The following ATP7B variants were observed in gnomAD, a reference collection of about 807,000 sequenced individuals.
The protein encoded by ATP7B is ATPase copper transporting beta, also known as copper-transporting ATPase 2.
Under a neutral mutation model 118.9 loss-of-function variants are expected in ATP7B, and 113 were observed. The ratio of observed to expected loss-of-function variants is 0.95; its 90% CI spans 0.82 to 1.11. The LOEUF (loss-of-function observed/expected upper bound fraction) is 1.11. Among genes scored for constraint, ATP7B ranks in the 50% most tolerant of loss-of-function variants. ATP7B has a pLI of 0.00. For missense variants in ATP7B, 1,867 were observed against 1,871.4 expected (o/e 1.00, Z 0.04); for synonymous variants, 777 against 727.4 (o/e 1.07, Z -1.10).
chr13:51,954,990 A>G (rs538962742), intron 9 of ATP7B, among the ~76,000 whole-genome samples: 20 of 152,344 alleles, frequency 1.3e-4, no homozygotes, highest in African/African-American at 4.8e-4. Context: ...GAGACTAAGC[A>G]GCAGCAGCAG....
rs879462650 is a variant in ATP7B at position 51,943,933 on chromosome 13, AACT to A, written c.3243+173_3243+175del. On this transcript the variant is annotated intron_variant, in intron 14 of 20. Coordinates refer to ENST00000242839, the MANE Select transcript of ATP7B (RefSeq NM_000053.4). Reference sequence around the variant, plus strand: ...CTGAACTCCCTTTGTGATAACCTGGAACTGTGGCAAGGGCTGACTGTGAGCCCT... The same window carrying A: ...CTGAACTCCCTTTGTGATAACCTGGAGTGGCAAGGGCTGACTGTGAGCCCT... 0.037 allele frequency among the ~76,000 whole-genome samples: 5,577 copies of A among 152,208 alleles called. 345 individuals are homozygous for A. The highest frequency in any genetic ancestry group is 0.13 in the African/African-American group (5,372 of 41,496).
intron 4 of ATP7B, among the ~76,000 whole-genome samples, chr13:51,967,827 A>G (rs559054237): frequency 2.6e-4 from 39 of 152,374 alleles, no homozygotes; most frequent in Admixed American, 9.8e-4. Flanking sequence ...GCTTTCAAAC[A>G]TAGCATGTTC....
chr13:51,949,401 C>T (rs1333590984), intron 12 of ATP7B, among the ~76,000 whole-genome samples: 1 of 152,144 alleles, frequency 6.6e-6, no homozygotes, highest in Non-Finnish European at 1.5e-5. Context: ...GTAAATGCTT[C>T]AAGCATTACA....
At chr13:51,992,635 A>G (rs941747395) in intron 1 of ATP7B, among the ~76,000 whole-genome samples, 5 of 152,138 alleles carry the variant, frequency 3.3e-5, no homozygotes, top group African/African-American at 7.2e-5. Context: ...GGATAACTAA[A>G]TTCTTTCTAA....
chr13:51,946,562 G>C (rs1343388637), intron 12 of ATP7B, 84 bp from the exon 13 acceptor site: 7 of 1,510,884 alleles, frequency 4.6e-6, no homozygotes, highest in Non-Finnish European at 6.4e-6. Context: ...ACATTTCAGG[G>C]GGGCACTGGA....
chr13:51,946,064 G>A (rs1957630338), intron 13 of ATP7B, among the ~76,000 whole-genome samples: 1 of 152,198 alleles, frequency 6.6e-6, no homozygotes, highest in Non-Finnish European at 1.5e-5. Context: ...ACACAGAGTT[G>A]TTAATGCAAT....
chr13:52,004,002 T>C (rs766454682), intron 1 of ATP7B, among the ~76,000 whole-genome samples: 5 of 152,182 alleles, frequency 3.3e-5, no homozygotes, highest in Admixed American at 1.3e-4. Flanking sequence ...CTCACACCTG[T>C]AATCCAGCAC....
At chr13:51,995,701 C>G (rs1953172585) in intron 1 of ATP7B, among the ~76,000 whole-genome samples, 1 of 152,216 alleles carries the variant, frequency 6.6e-6, no homozygotes. Context: ...CCAGGAGAGG[C>G]TGCCAGCAGT....
chr13:51,948,263 T>C (rs999066822), intron 12 of ATP7B, among the ~76,000 whole-genome samples: 17 of 152,314 alleles, frequency 1.1e-4, no homozygotes, highest in African/African-American at 3.1e-4. Context: ...TCTGTATTTG[T>C]ACTTTTTGCT....
At chr13:51,989,362 G>C (rs991678707) in intron 1 of ATP7B, among the ~76,000 whole-genome samples, 3 of 152,176 alleles carry the variant, frequency 2.0e-5, no homozygotes, top group Non-Finnish European at 4.4e-5. Flanking sequence ...CTATGTGCCA[G>C]GGCTATGTGT....
intron 7 of ATP7B, 77 bp downstream of exon 7, chr13:51,960,071 T>G: frequency 6.5e-7 from 1 of 1,540,508 alleles, no homozygotes; most frequent in Non-Finnish European, 9.0e-7. Flanking sequence ...AGCACTATGT[T>G]TGCGCTTAGC....
chr13:51,971,535 T>A (rs557949245), intron 2 of ATP7B, among the ~76,000 whole-genome samples: 1 of 152,366 alleles, frequency 6.6e-6, no homozygotes, highest in Non-Finnish European at 1.5e-5. Context: ...TTACCACTAA[T>A]AACCTGATTG....
intron 1 of ATP7B, among the ~76,000 whole-genome samples, chr13:51,993,652 A>G (rs1470983035): frequency 6.6e-6 from 1 of 152,228 alleles, no homozygotes; most frequent in Non-Finnish European, 1.5e-5. Context: ...AGTCCTGTCC[A>G]GACCTTCAGA....
chr13:51,965,390 T>G (rs9526814), intron 4 of ATP7B, among the ~76,000 whole-genome samples: 53,535 of 151,938 alleles, frequency 0.35, 11,380 homozygotes, highest in Non-Finnish European at 0.47. Context: ...CTGTACGGGG[T>G]TGTGCACTTC....
rs796320339 is a variant in ATP7B at position 51,953,217 on chromosome 13, C to T, written c.2448-2818G>A. Among the ~76,000 whole-genome samples the T allele has an allele frequency of 5.9e-5, 9 of 152,304 alleles. No homozygotes were observed. The South Asian group carries it at 1.7e-3, about 28-fold the overall frequency. ...ATGGAGAAGTCCAGGCTGAACATTG[C>T]CCTTGAGGCCCCCTCTGAACAACCT... On this transcript the variant is annotated intron_variant, in intron 9 of 20. Coordinates refer to ENST00000242839, the MANE Select transcript of ATP7B (RefSeq NM_000053.4).
In ATP7B at chr13:51,938,952, G is replaced by C. The variant is rs1957143034; in HGVS notation, c.3699+99C>G. ...AGAAAAGCATCCAGCAAGGGAGAAA[G>C]AGCAGGAGTACAGCTCAGTGCTGGG... is the stretch of plus-strand genomic sequence containing the variant. On this transcript the variant is annotated intron_variant, in intron 17 of 20. Coordinates refer to ENST00000242839, the MANE Select transcript of ATP7B (RefSeq NM_000053.4). 3 of 1,570,642 alleles carry C rather than the reference G, an allele frequency of 1.9e-6. No homozygotes were observed. In the East Asian group the frequency reaches 6.7e-5, roughly 35 times the overall value.
intron 1 of ATP7B, among the ~76,000 whole-genome samples, chr13:51,984,252 A>G (rs889932224): frequency 7.9e-5 from 12 of 152,152 alleles, no homozygotes; most frequent in Non-Finnish European, 8.8e-5. Context: ...ACACAGCACA[A>G]GAACTTCGTG....
At position 51,957,537 on chromosome 13, in the gene ATP7B, C is replaced by T. The variant is rs762578415; in HGVS notation, c.2426G>A (p.Gly809Asp). The change falls in exon 9 of 21, where the codon GGT becomes GAT. Residue 809 changes from glycine to aspartate, a missense_variant. Physicochemically the swap from Gly to Asp is moderately conservative, Grantham distance 94 (BLOSUM62 -1). Coordinates refer to ENST00000242839, the MANE Select transcript of ATP7B (RefSeq NM_000053.4). ...TCACCTGATGATTAAATTGTCCTCA[C>T]CAAGGGTCACAACGGTGGCTTCTGT... ...QATEATVVTL[G>D]EDNLIIREEQ... The T allele has an allele frequency of 3.1e-6, 5 of 1,614,138 alleles. No homozygotes were observed. In the South Asian group the frequency reaches 5.5e-5, roughly 18 times the overall value.
rs1322321402 is a variant in ATP7B at position 51,968,507 on chromosome 13, G to A, written c.1644C>T (p.Asp548=). 1.2e-6 allele frequency: 2 copies of A among 1,614,144 alleles called. No individual in the cohort carries two copies. The highest frequency in any genetic ancestry group is 1.7e-6 in the Non-Finnish European group (2 of 1,180,038). Residue 548 remains aspartate, a synonymous_variant, in exon 4 of 21, where the codon GAC becomes GAT. Transcript: ENST00000242839. ...CCATGACTGCTGCCTCAAAACCCAG[G>A]TCCTGGATGAACTGAGCTATCTCGA... ...QPLEIAQFIQ[D]LGFEAAVMED...
Sources: allele counts gnomAD v4.1 joint callset (sites outside exome capture counted in the v4.1 genomes callset), GRCh38; gene constraint gnomAD v4.1.1; transcripts MANE v1.5; gene names NCBI Gene and HGNC (gene_info 2026-07-23, HGNC 2026-07-21).